Variants in AUTS2 observed in about 807,000 individuals in gnomAD.
AUTS2 encodes autism susceptibility gene 2 protein.
Under a neutral mutation model 112.4 loss-of-function variants are expected in AUTS2, and 17 were observed. The ratio of observed to expected loss-of-function variants is 0.15; its 90% CI spans 0.10 to 0.23. The LOEUF is 0.23. Ranked by LOEUF, AUTS2 falls within the 10% of genes least tolerant of loss-of-function variation. The pLI is 1.00. For missense variants in AUTS2, 1,510 were observed against 1,701.6 expected (o/e 0.89, Z 1.98); for synonymous variants, 751 against 702.7 (o/e 1.07, Z -1.09).
intron 1 of AUTS2, among the ~76,000 whole-genome samples, chr7:69,603,228 A>G (rs1003182121): frequency 1.4e-4 from 21 of 152,324 alleles, no homozygotes; most frequent in African/African-American, 5.1e-4. Flanking sequence ...GTTCAGAGCA[A>G]TAGCTGGCAA....
chr7:69,787,965 G>T (rs1179991516), intron 1 of AUTS2, among the ~76,000 whole-genome samples: 1 of 152,160 alleles, frequency 6.6e-6, no homozygotes, highest in East Asian at 1.9e-4. Flanking sequence ...TTTCAGAGGG[G>T]CATTATTCTC....
intron 2 of AUTS2, among the ~76,000 whole-genome samples, chr7:69,971,679 G>A (rs7797340): frequency 0.36 from 54,952 of 151,802 alleles, 10,537 homozygotes; most frequent in African/African-American, 0.49. Context: ...TAATTTTGTC[G>A]TCTCAAGAAT....
At chr7:69,695,177 A>G (rs147242702) in intron 1 of AUTS2, among the ~76,000 whole-genome samples, 1 of 151,974 alleles carries the variant, frequency 6.6e-6, no homozygotes, top group Non-Finnish European at 1.5e-5. Flanking sequence ...GAAAAAAGAA[A>G]AAAAAGTCAC....
chr7:70,540,438 C>T (rs1800506525), intron 5 of AUTS2, among the ~76,000 whole-genome samples: 1 of 152,186 alleles, frequency 6.6e-6, no homozygotes, highest in Non-Finnish European at 1.5e-5. Flanking sequence ...ACACCCTTCA[C>T]CCCAGCTACC....
At chr7:70,290,790 C>A in intron 4 of AUTS2, 1 of 511,638 alleles carries the variant, frequency 2.0e-6, no homozygotes, top group Non-Finnish European at 2.8e-6. Context: ...TAAAAGAGTG[C>A]TGCTTGCCAA....
intron 4 of AUTS2, among the ~76,000 whole-genome samples, chr7:70,288,692 A>C (rs577936313): frequency 3.1e-4 from 47 of 152,256 alleles, no homozygotes; most frequent in African/African-American, 1.1e-3. Flanking sequence ...GGAACTGGAG[A>C]GGATGGAGAT....
chr7:70,376,069 T>C (rs536056826), intron 4 of AUTS2, among the ~76,000 whole-genome samples: 33 of 151,592 alleles, frequency 2.2e-4, no homozygotes, highest in African/African-American at 7.7e-4. Context: ...GTTGCTCAGA[T>C]TTCTCTGCTG....
intron 2 of AUTS2, among the ~76,000 whole-genome samples, chr7:69,982,775 T>A (rs1235937407): frequency 6.6e-6 from 1 of 152,236 alleles, no homozygotes; most frequent in East Asian, 1.9e-4. Flanking sequence ...AAAGCCTTCA[T>A]AGAGAATTAG....
At chr7:70,617,984 C>T (rs1804468636) in intron 5 of AUTS2, among the ~76,000 whole-genome samples, 1 of 152,204 alleles carries the variant, frequency 6.6e-6, no homozygotes, top group Non-Finnish European at 1.5e-5. Flanking sequence ...TTCCCTTTAA[C>T]AACTTAACTT....
intron 6 of AUTS2, among the ~76,000 whole-genome samples, chr7:70,703,831 A>G (rs1040739236): frequency 3.9e-5 from 6 of 152,152 alleles, no homozygotes; most frequent in African/African-American, 1.4e-4. Flanking sequence ...TCTTTGTACT[A>G]TTTCAGAGCA....
intron 1 of AUTS2, among the ~76,000 whole-genome samples, chr7:69,774,837 A>AT (rs199761540): frequency 8.0e-5 from 12 of 150,700 alleles, no homozygotes; most frequent in South Asian, 2.1e-4. Context: ...GAGTCCAATA[A>AT]TTTTTTTTTT....
intron 5 of AUTS2, among the ~76,000 whole-genome samples, chr7:70,454,092 C>T (rs1466322887): frequency 1.3e-5 from 2 of 152,112 alleles, no homozygotes; most frequent in South Asian, 2.1e-4. Context: ...AAGAAAGAGG[C>T]GGAGGACATA....
intron 5 of AUTS2, among the ~76,000 whole-genome samples, chr7:70,512,293 T>C (rs112454611): frequency 7.2e-5 from 11 of 152,208 alleles, no homozygotes; most frequent in Non-Finnish European, 1.6e-4. Flanking sequence ...TTTTTGGACA[T>C]TGCTAAGCCT....
At chr7:70,594,194 A>G (rs1803085108) in intron 5 of AUTS2, among the ~76,000 whole-genome samples, 1 of 152,156 alleles carries the variant, frequency 6.6e-6, no homozygotes, top group Admixed American at 6.5e-5. Context: ...ACACGGTGCA[A>G]CTTGCCCACT....
chr7:69,651,634 G>C (rs555099058), intron 1 of AUTS2, among the ~76,000 whole-genome samples: 17 of 152,204 alleles, frequency 1.1e-4, no homozygotes, highest in Non-Finnish European at 1.9e-4. Context: ...AGCAACTAGA[G>C]GTTCAGAGAA....
At chr7:69,908,241 C>T (rs1176392717) in intron 2 of AUTS2, among the ~76,000 whole-genome samples, 1 of 152,180 alleles carries the variant, frequency 6.6e-6, no homozygotes, top group Non-Finnish European at 1.5e-5. Flanking sequence ...GTACTTAACC[C>T]TCAGTCCCAT....
chr7:69,991,624 G>A (rs1798745203), intron 2 of AUTS2, among the ~76,000 whole-genome samples: 1 of 152,156 alleles, frequency 6.6e-6, no homozygotes, highest in Non-Finnish European at 1.5e-5. Flanking sequence ...AGAAATAAAC[G>A]TTAGACATAT....
chr7:70,715,554 G>A (rs2129550517), intron 6 of AUTS2, among the ~76,000 whole-genome samples: 1 of 144,020 alleles, frequency 6.9e-6, no homozygotes, highest in South Asian at 2.2e-4. Flanking sequence ...TTTTTTTTAA[G>A]ATGGTGTCTC....
chr7:69,760,599 G>A (rs759005604), intron 1 of AUTS2, among the ~76,000 whole-genome samples: 2 of 152,072 alleles, frequency 1.3e-5, no homozygotes, highest in African/African-American at 2.4e-5. Context: ...CAAGGCAGTG[G>A]ATCATGAGGT....
Sources: allele counts gnomAD v4.1 joint callset (sites outside exome capture counted in the v4.1 genomes callset), GRCh38; gene constraint gnomAD v4.1.1; transcripts MANE v1.5; gene names NCBI Gene and HGNC (gene_info 2026-07-23, HGNC 2026-07-21).